THEMIS: variants seen among roughly 807,000 people sequenced by gnomAD.
THEMIS encodes the protein thymocyte selection associated.
THEMIS carries 37 observed loss-of-function variants against 52.6 expected under a neutral mutation model. The ratio of observed to expected loss-of-function variants is 0.70; its 90% CI spans 0.54 to 0.93. The LOEUF is 0.93. Among genes scored for constraint, THEMIS ranks in the 40% least tolerant of loss-of-function variants. THEMIS has a pLI of 0.00. For missense variants in THEMIS, 808 were observed against 763.1 expected (o/e 1.06, Z -0.69); for synonymous variants, 292 against 272.7 (o/e 1.07, Z -0.70).
chr6:127,842,162 A>AG (rs1404102627), intron 2 of THEMIS, among the ~76,000 whole-genome samples: 61 of 152,182 alleles, frequency 4.0e-4, no homozygotes, highest in African/African-American at 1.3e-3. Flanking sequence ...TTTTCCTATC[A>AG]GGTCCTTTAG....
rs569969920 is a variant in THEMIS, at chr6:127,830,086, T to C, written c.251-152A>G. On this transcript the variant is annotated intron_variant, in intron 2 of 5. Coordinates refer to ENST00000368248, the MANE Select transcript of THEMIS (RefSeq NM_001010923.3). ...TAGAGATGCTTATTTTAATCCAGAG[T>C]TCTTCTAGGTAAAATTATGAAGTAT... 1.1e-4 allele frequency: 69 copies of C among 634,376 alleles called. No homozygotes were observed. In the African/African-American group the frequency reaches 1.1e-3, roughly 10 times the overall value. 39.3% of individuals were successfully genotyped at this position (634,376 alleles called of 1,614,324 possible).
At chr6:127,845,754 T>G (rs903706541) in intron 2 of THEMIS, among the ~76,000 whole-genome samples, 1 of 151,774 alleles carries the variant, frequency 6.6e-6, no homozygotes, top group Admixed American at 6.6e-5. Context: ...TGTGGCTACC[T>G]GCAGTGATGG....
chr6:127,808,213 G>A lies in THEMIS; in HGVS notation c.1758+4670C>T, dbSNP rs905528341. Among the ~76,000 whole-genome samples the A allele has an allele frequency of 3.3e-5, 5 of 152,236 alleles. No homozygotes were observed. In the East Asian group the frequency reaches 5.8e-4, roughly 18 times the overall value. Reference sequence around the variant, plus strand: ...GGAATATCTCATCTTTCAACCAAAGGTTTGTTTTCTGTCTTGTTATAGACC... The same window carrying A: ...GGAATATCTCATCTTTCAACCAAAGATTTGTTTTCTGTCTTGTTATAGACC... On this transcript the variant is annotated intron_variant, in intron 4 of 5. Coordinates refer to ENST00000368248, the MANE Select transcript of THEMIS (RefSeq NM_001010923.3).
Position 127,823,772 on chromosome 6 carries a change from A to G in THEMIS, c.709+5704T>C, listed in dbSNP as rs1046419229. 5.3e-5 allele frequency among the ~76,000 whole-genome samples: 8 copies of G among 152,280 alleles called. No homozygotes were observed. In the East Asian group the frequency reaches 1.5e-3, roughly 29 times the overall value. Reference sequence around the variant, plus strand: ...CTAATTTAATTAGGTAGTGAGGTTTAGGGCTAAAATTATACCTTTTCAATC... The same window carrying G: ...CTAATTTAATTAGGTAGTGAGGTTTGGGGCTAAAATTATACCTTTTCAATC... On this transcript the variant is annotated intron_variant, in intron 3 of 5. Transcript: ENST00000368248.
At chr6:127,902,215 G>A (rs1165112131), upstream of THEMIS, among the ~76,000 whole-genome samples, 1 of 151,034 alleles carries the variant, frequency 6.6e-6, no homozygotes, top group Non-Finnish European at 1.5e-5. Context: ...AGTCCCAGCT[G>A]TGAGGAGGCT....
At chr6:127,714,310 C>T (rs1349427391) in intron 5 of THEMIS, among the ~76,000 whole-genome samples, 4 of 151,832 alleles carry the variant, frequency 2.6e-5, no homozygotes, top group African/African-American at 9.7e-5. Context: ...CAGTCATAGA[C>T]AATGTTTAAA....
chr6:127,818,301 T>C (rs999250998), intron 3 of THEMIS, among the ~76,000 whole-genome samples: 66 of 151,150 alleles, frequency 4.4e-4, no homozygotes, highest in Non-Finnish European at 7.1e-4. Flanking sequence ...ATTATAGAAA[T>C]CCCCCCTCCA....
intron 1 of THEMIS, among the ~76,000 whole-genome samples, chr6:127,878,229 C>A (rs1780373413): frequency 6.6e-6 from 1 of 152,054 alleles, no homozygotes; most frequent in Admixed American, 6.5e-5. Context: ...CTTGTGAACC[C>A]AACATGGGCC....
intron 4 of THEMIS, among the ~76,000 whole-genome samples, chr6:127,741,237 T>C (rs1191941805): frequency 6.6e-6 from 1 of 152,184 alleles, no homozygotes. Context: ...TGATGTTAAG[T>C]TTTCTGGTGC....
chr6:127,789,780 G>T (rs1163520945), intron 4 of THEMIS, among the ~76,000 whole-genome samples: 1 of 152,078 alleles, frequency 6.6e-6, no homozygotes, highest in Non-Finnish European at 1.5e-5. Flanking sequence ...AAAAACACAT[G>T]ATTCTCTCAG....
At chr6:127,883,229 T>C (rs1780540632) in intron 1 of THEMIS, among the ~76,000 whole-genome samples, 1 of 152,008 alleles carries the variant, frequency 6.6e-6, no homozygotes, top group Non-Finnish European at 1.5e-5. Context: ...GCATTTCCTA[T>C]AAGATTTCTC....
chr6:127,915,830 T>C (rs977360029), intron 1 of THEMIS, among the ~76,000 whole-genome samples: 2 of 151,666 alleles, frequency 1.3e-5, no homozygotes, highest in South Asian at 2.1e-4. Context: ...CTACTAAAAA[T>C]ACAAAAATTA....
Position 127,811,065 on chromosome 6 carries a change from A to C in THEMIS, c.1758+1818T>G, listed in dbSNP as rs532882360. On this transcript the variant is annotated intron_variant, in intron 4 of 5. Coordinates refer to ENST00000368248, the MANE Select transcript of THEMIS (RefSeq NM_001010923.3). The stretch of plus-strand genomic sequence containing the variant: ...AAACAAACAAACAACAACAAAAAAA[A>C]CCAACAACAACAACAACAAAAAGTT... Among the ~76,000 whole-genome samples the C allele has an allele frequency of 1.4e-4, 21 of 152,242 alleles. No individual in the cohort carries two copies. The East Asian group carries it at 1.9e-3, about 14-fold the overall frequency.
intron 1 of THEMIS, among the ~76,000 whole-genome samples, chr6:127,890,439 C>T (rs1346190392): frequency 4.0e-5 from 6 of 151,704 alleles, no homozygotes; most frequent in Non-Finnish European, 7.4e-5. Context: ...GAAAGGGTAG[C>T]GGGGAGAAGG....
chr6:127,912,085 A>G (rs536383760), intron 1 of THEMIS, among the ~76,000 whole-genome samples: 1 of 152,314 alleles, frequency 6.6e-6, no homozygotes, highest in South Asian at 2.1e-4. Context: ...GAACTACCCA[A>G]GGCTACAGGA....
intron 5 of THEMIS, among the ~76,000 whole-genome samples, chr6:127,711,146 T>A (rs917795499): frequency 6.6e-6 from 1 of 151,936 alleles, no homozygotes; most frequent in Non-Finnish European, 1.5e-5. Flanking sequence ...TAAAGTAATT[T>A]ACTTTAGGTT....
chr6:127,862,697 G>T (rs956062189), intron 1 of THEMIS, among the ~76,000 whole-genome samples: 1 of 151,850 alleles, frequency 6.6e-6, no homozygotes, highest in Admixed American at 6.6e-5. Flanking sequence ...TGAGATTACA[G>T]GTGTCAGCCA....
At chr6:127,868,512 G>A in intron 1 of THEMIS, 1 of 983,224 alleles carries the variant, frequency 1.0e-6, no homozygotes. Context: ...CCACAAATTG[G>A]TTACAGATGT....
chr6:127,890,973 G>C (rs1362701425), intron 1 of THEMIS, among the ~76,000 whole-genome samples: 1 of 152,038 alleles, frequency 6.6e-6, no homozygotes, highest in Non-Finnish European at 1.5e-5. Flanking sequence ...GTAATGGATA[G>C]GGCATTCCAA....
Sources: allele counts gnomAD v4.1 joint callset (sites outside exome capture counted in the v4.1 genomes callset), GRCh38; gene constraint gnomAD v4.1.1; transcripts MANE v1.5; gene names NCBI Gene and HGNC (gene_info 2026-07-23, HGNC 2026-07-21).